The following RNF220 variants were observed in gnomAD, a reference collection of about 807,000 sequenced individuals.
RNF220 encodes E3 ubiquitin-protein ligase RNF220.
In RNF220, 7 loss-of-function variants were observed where a neutral mutation model predicts 67.1. The ratio of observed to expected loss-of-function variants is 0.10; its 90% CI spans 0.06 to 0.20. The LOEUF (loss-of-function observed/expected upper bound fraction) is 0.20, where lower values mean the gene tolerates loss of function less well. Ranked by LOEUF, RNF220 falls within the 10% of genes least tolerant of loss-of-function variation. The probability of loss-of-function intolerance (pLI) is 1.00; values close to 1 mark genes in which losing one functional copy is unlikely to be tolerated. For missense variants in RNF220, 565 were observed against 740.3 expected, an observed-to-expected ratio of 0.76 and a Z score of 2.75; for synonymous variants, 270 against 283.2, an observed-to-expected ratio of 0.95 and a Z score of 0.47.
At chr1:44,576,858 C>T (rs156258) in intron 2 of RNF220, among the ~76,000 whole-genome samples, 147,571 of 152,272 alleles carry the variant, frequency 0.97, 71,694 homozygotes, top group East Asian at 1. Context: ...TGATCTTCCT[C>T]ACCTCATCTC....
intron 8 of RNF220, among the ~76,000 whole-genome samples, chr1:44,641,694 G>A (rs746645489): frequency 2.6e-5 from 4 of 151,648 alleles, no homozygotes; most frequent in African/African-American, 7.3e-5. Flanking sequence ...AAAGTTTAAT[G>A]TGCTGGGAAA....
At chr1:44,491,169 A>G (rs11211008) in intron 2 of RNF220, among the ~76,000 whole-genome samples, 2,068 of 152,324 alleles carry the variant, frequency 0.014, 40 homozygotes, top group African/African-American at 0.047. Context: ...AGAACAATTA[A>G]TACCAGTTCT....
chr1:44,438,557 G>A (rs1044994247), intron 2 of RNF220, among the ~76,000 whole-genome samples: 14 of 152,054 alleles, frequency 9.2e-5, no homozygotes, highest in African/African-American at 2.7e-4. Context: ...TAGGCCCTCC[G>A]GATACAGTAA....
intron 8 of RNF220, among the ~76,000 whole-genome samples, chr1:44,640,636 C>T (rs1644460942): frequency 6.6e-6 from 1 of 152,212 alleles, no homozygotes; most frequent in African/African-American, 2.4e-5. Context: ...GTGCGTTTGA[C>T]ACACGCCAAC....
At chr1:44,522,042 C>T (rs1324409786) in intron 2 of RNF220, among the ~76,000 whole-genome samples, 3 of 152,146 alleles carry the variant, frequency 2.0e-5, no homozygotes, top group African/African-American at 7.2e-5. Flanking sequence ...AGCAAGATGG[C>T]CGCAACTTTA....
intron 1 of RNF220, chr1:44,408,807 C>A (rs1341284015): frequency 6.6e-6 from 1 of 152,192 alleles, no homozygotes; most frequent in Non-Finnish European, 1.5e-5. Context: ...CCCTTTGCAG[C>A]TTTCTTTGTG....
chr1:44,415,239 G>T lies in RNF220; in HGVS notation c.625+2517G>T, dbSNP rs1002880826. 3.4e-4 allele frequency among the ~76,000 whole-genome samples: 52 copies of T among 151,698 alleles called. 1 individual carries two copies. Among genetic ancestry groups the T allele is most frequent in the Non-Finnish European group, 7.2e-4 (49 of 67,982 alleles). ...TGTTTTATGTAAATACATATTTAAG[G>T]GTCGTTAGAAGGCCTGATTATTCCC... On this transcript the variant is annotated intron_variant, in intron 2 of 14. Transcript: ENST00000361799.
intron 2 of RNF220, among the ~76,000 whole-genome samples, chr1:44,528,633 G>A (rs1456643827): frequency 1.0e-5 from 1 of 96,636 alleles, no homozygotes; most frequent in East Asian, 3.3e-4. Context: ...TTTTTTTTTT[G>A]AGACAGAATC....
chr1:44,437,891 G>T (rs775503102), intron 2 of RNF220, among the ~76,000 whole-genome samples: 1 of 152,092 alleles, frequency 6.6e-6, no homozygotes, highest in Non-Finnish European at 1.5e-5. Flanking sequence ...TGCAACCACT[G>T]AACCTTCATT....
intron 2 of RNF220, among the ~76,000 whole-genome samples, chr1:44,557,195 T>TATA: frequency 6.9e-6 from 1 of 144,270 alleles, no homozygotes; most frequent in African/African-American, 2.6e-5. Context: ...AATATATATT[T>TATA]TATATATATA....
At chr1:44,534,483 C>T (rs765731762) in intron 2 of RNF220, among the ~76,000 whole-genome samples, 4 of 152,148 alleles carry the variant, frequency 2.6e-5, no homozygotes, top group Admixed American at 2.0e-4. Context: ...TCTCCCTGAA[C>T]TTGATTCTTT....
chr1:44,510,604 C>T (rs370947531), intron 2 of RNF220, among the ~76,000 whole-genome samples: 2 of 152,304 alleles, frequency 1.3e-5, no homozygotes, highest in East Asian at 1.9e-4. Flanking sequence ...CTCAAAGAAG[C>T]CTTTCTGTCC....
intron 2 of RNF220, among the ~76,000 whole-genome samples, chr1:44,520,085 TTGTGTGTGTGTG>T (rs1167831790): frequency 4.5e-4 from 48 of 106,462 alleles, no homozygotes; most frequent in African/African-American, 1.5e-3. Flanking sequence ...AAGTCCAGCA[TTGTGTGTGTGTG>T]TGTGTGTGTG....
At chr1:44,408,489 G>A (rs1647626760) in intron 1 of RNF220, among the ~76,000 whole-genome samples, 1 of 152,278 alleles carries the variant, frequency 6.6e-6, no homozygotes, top group Admixed American at 6.5e-5. Context: ...TTCTCTTCAA[G>A]CGAAGAAGTC....
At chr1:44,448,398 T>A (rs919978511) in intron 2 of RNF220, among the ~76,000 whole-genome samples, 1 of 152,236 alleles carries the variant, frequency 6.6e-6, no homozygotes, top group Admixed American at 6.5e-5. Flanking sequence ...GGATTGAGTT[T>A]CTGGACTAGC....
chr1:44,547,743 C>T (rs272565), intron 2 of RNF220, among the ~76,000 whole-genome samples: 56,314 of 151,918 alleles, frequency 0.37, 10,743 homozygotes, highest in East Asian at 0.48. Flanking sequence ...ATATCTTCAG[C>T]GCTTTGTCCA....
chr1:44,422,767 C>A (rs1649372227), intron 2 of RNF220, among the ~76,000 whole-genome samples: 1 of 152,174 alleles, frequency 6.6e-6, no homozygotes, highest in Non-Finnish European at 1.5e-5. Flanking sequence ...CTCCTGGAGT[C>A]TGTACTGGGG....
chr1:44,467,285 C>T (rs1400820983), intron 2 of RNF220, among the ~76,000 whole-genome samples: 2 of 152,340 alleles, frequency 1.3e-5, no homozygotes, highest in East Asian at 3.9e-4. Flanking sequence ...AATCTCAGCT[C>T]ACTGCAACCT....
At chr1:44,567,791 A>G (rs1352612350) in intron 2 of RNF220, among the ~76,000 whole-genome samples, 2 of 152,078 alleles carry the variant, frequency 1.3e-5, no homozygotes, top group African/African-American at 4.8e-5. Flanking sequence ...ACTAGGGAGA[A>G]AGACTTCTGA....
Sources: gnomAD v4.1 joint callset for allele counts (sites outside exome capture counted in the v4.1 genomes callset) on GRCh38, gnomAD v4.1.1 for gene constraint, MANE v1.5 for transcripts, NCBI Gene and HGNC (gene_info 2026-07-23, HGNC 2026-07-21) for gene names.